ARHGAP12: variants seen among roughly 807,000 people sequenced by gnomAD.
ARHGAP12 encodes the protein rho GTPase-activating protein 12.
Under a neutral mutation model 108.6 loss-of-function variants are expected in ARHGAP12, and 64 were observed. The observed-to-expected ratio is 0.59, with a 90% confidence interval of 0.48 to 0.73. The LOEUF (loss-of-function observed/expected upper bound fraction) is 0.73. ARHGAP12 is among the 30% of genes least tolerant of loss of function. The pLI, the probability that ARHGAP12 is intolerant of heterozygous loss-of-function variation, is 0.00. For missense variants in ARHGAP12, 940 were observed against 1,005.9 expected, an observed-to-expected ratio of 0.93 and a Z score of 0.89; for synonymous variants, 312 against 337.2, an observed-to-expected ratio of 0.93 and a Z score of 0.82.
intron 3 of ARHGAP12, among the ~76,000 whole-genome samples, chr10:31,892,455 A>G (rs1397450955): frequency 1.3e-5 from 2 of 151,892 alleles, no homozygotes; most frequent in African/African-American, 4.8e-5. Context: ...AGGCAGTCCT[A>G]GTCTCTGATA....
At chr10:31,925,931 T>A (rs970104177) in intron 1 of ARHGAP12, among the ~76,000 whole-genome samples, 1 of 152,238 alleles carries the variant, frequency 6.6e-6, no homozygotes, top group Non-Finnish European at 1.5e-5. Context: ...ATATTGTGAA[T>A]ATACTAAGTA....
chr10:31,815,958 G>A (rs1343068293), intron 13 of ARHGAP12, among the ~76,000 whole-genome samples: 3 of 151,884 alleles, frequency 2.0e-5, no homozygotes, highest in Non-Finnish European at 2.9e-5. Flanking sequence ...GAGACCAGCC[G>A]GGACAACATG....
In ARHGAP12 at chr10:31,808,668, G is replaced by T; in HGVS notation, c.2347C>A (p.Leu783Ile). The change falls in exon 19 of 20, where the codon CTT (leucine) becomes ATT (isoleucine). Residue 783 changes from leucine to isoleucine, a missense_variant. Leu to Ile is a conservative substitution (Grantham distance 5). Coordinates refer to ENST00000344936, the MANE Select transcript of ARHGAP12 (RefSeq NM_018287.7). ...PKPNQDTMQI[L>I]FRHLRRVIEN... is the part of the protein sequence containing the mutation. ...TCCTACCTTCTGAGATGTCGGAAAA[G>T]AATCTGCATTGTGTCTTGGTTTGGC... The T allele has an allele frequency of 6.2e-7, 1 of 1,612,364 alleles. No homozygotes were observed. The highest frequency in any genetic ancestry group is 8.5e-7 in the Non-Finnish European group (1 of 1,178,934).
chr10:31,807,865 A>T, intron 19 of ARHGAP12, 33 bp from the exon 20 acceptor site: 2 of 1,445,376 alleles, frequency 1.4e-6, no homozygotes, highest in Non-Finnish European at 1.8e-6. Flanking sequence ...TTAAAAGAGA[A>T]AATAAGAGAG....
At chr10:31,904,769 G>A (rs1053912112) in intron 3 of ARHGAP12, among the ~76,000 whole-genome samples, 3 of 151,698 alleles carry the variant, frequency 2.0e-5, no homozygotes, top group Non-Finnish European at 4.4e-5. Context: ...TGGGACTACA[G>A]GCACATGCCA....
intron 1 of ARHGAP12, among the ~76,000 whole-genome samples, chr10:31,911,243 C>G (rs775813757): frequency 1.3e-5 from 2 of 152,158 alleles, no homozygotes; most frequent in African/African-American, 2.4e-5. Context: ...AGGCTGGTCT[C>G]GAACTCCTGA....
rs556213669 is a variant in ARHGAP12, at chr10:31,822,354, T to C, written c.1531-1866A>G. Among the ~76,000 whole-genome samples the C allele has an allele frequency of 3.9e-5, 6 of 152,278 alleles. No homozygotes were observed. In the East Asian group the frequency reaches 7.7e-4, roughly 20 times the overall value. On this transcript the variant is annotated intron_variant, in intron 11 of 19. Coordinates refer to ENST00000344936, the MANE Select transcript of ARHGAP12 (RefSeq NM_018287.7). ...GCAAGAGCTCAGAGACTGAGCCTTGTTGGCAGAAGGACTTGATGGAAAAGG... is the reference window on the plus strand; with the variant it reads ...GCAAGAGCTCAGAGACTGAGCCTTGCTGGCAGAAGGACTTGATGGAAAAGG...
At chr10:31,868,993 G>A (rs755696604) in intron 3 of ARHGAP12, among the ~76,000 whole-genome samples, 2 of 152,042 alleles carry the variant, frequency 1.3e-5, no homozygotes, top group Non-Finnish European at 2.9e-5. Flanking sequence ...ACCTGAGTGC[G>A]CTTAGGGCAA....
At chr10:31,859,353 C>T (rs1270437027) in intron 4 of ARHGAP12, among the ~76,000 whole-genome samples, 2 of 152,178 alleles carry the variant, frequency 1.3e-5, no homozygotes, top group Admixed American at 6.5e-5. Context: ...GGGGCTGACC[C>T]AGATATCCAT....
intron 3 of ARHGAP12, among the ~76,000 whole-genome samples, chr10:31,887,032 C>A (rs1838215441): frequency 6.6e-6 from 1 of 152,152 alleles, no homozygotes; most frequent in South Asian, 2.1e-4. Context: ...GCAGGATCCA[C>A]AGGATGTGTG....
At chr10:31,846,343 TTTC>T (rs975076304) in intron 6 of ARHGAP12, among the ~76,000 whole-genome samples, 3 of 152,224 alleles carry the variant, frequency 2.0e-5, no homozygotes, top group Non-Finnish European at 1.5e-5. Flanking sequence ...TATTGCAAGT[TTTC>T]TTATCACTTC....
chr10:31,810,403 AAAG>A (rs1238589378), intron 16 of ARHGAP12, among the ~76,000 whole-genome samples: 1 of 152,200 alleles, frequency 6.6e-6, no homozygotes, highest in Non-Finnish European at 1.5e-5. Flanking sequence ...AAATGGCATC[AAAG>A]AATAGCATAT....
Position 31,808,630 on chromosome 10 carries a change from G to T in ARHGAP12, c.2366+19C>A. 1.2e-6 allele frequency: 2 copies of T among 1,609,922 alleles called. No individual in the cohort carries two copies. Among genetic ancestry groups the T allele is most frequent in the South Asian group, 2.2e-5 (2 of 90,758 alleles). On this transcript the variant is annotated intron_variant, in intron 19 of 19. Coordinates refer to ENST00000344936, the MANE Select transcript of ARHGAP12 (RefSeq NM_018287.7). ...CCCCTTGTGCTATACCACATCCCAT[G>T]ACTGGGCAGTCCTCCTACCTTCTGA...
intron 14 of ARHGAP12, among the ~76,000 whole-genome samples, chr10:31,813,237 T>C (rs1055659002): frequency 2.0e-5 from 3 of 152,124 alleles, no homozygotes; most frequent in Non-Finnish European, 4.4e-5. Context: ...CCTATCTTCA[T>C]TGAATAAGAA....
chr10:31,840,274 T>C (rs762631097), intron 7 of ARHGAP12, among the ~76,000 whole-genome samples: 2 of 151,792 alleles, frequency 1.3e-5, no homozygotes, highest in Non-Finnish European at 2.9e-5. Context: ...AAACCTACGA[T>C]TTAAATATTA....
intron 1 of ARHGAP12, among the ~76,000 whole-genome samples, chr10:31,917,225 C>T (rs1383491834): frequency 1.3e-5 from 2 of 151,654 alleles, no homozygotes; most frequent in African/African-American, 2.4e-5. Context: ...CTGGTTAACA[C>T]GGTGAAACCT....
intron 3 of ARHGAP12, among the ~76,000 whole-genome samples, chr10:31,878,027 T>C (rs1837799980): frequency 1.3e-5 from 2 of 152,142 alleles, no homozygotes. Context: ...GAGGCTGCAG[T>C]AAGCTCCAGC....
chr10:31,808,911 G>T, intron 18 of ARHGAP12, 83 bp downstream of exon 18: 1 of 1,422,008 alleles, frequency 7.0e-7, no homozygotes, highest in Non-Finnish European at 9.6e-7. Flanking sequence ...CTTGCTTAAA[G>T]TAAGATAAAA....
intron 6 of ARHGAP12, among the ~76,000 whole-genome samples, chr10:31,845,880 T>G (rs1413382495): frequency 6.6e-6 from 1 of 152,192 alleles, no homozygotes; most frequent in East Asian, 1.9e-4. Flanking sequence ...TTTTAACAGG[T>G]GTGTTTAGAG....
Sources: allele counts gnomAD v4.1 joint callset (sites outside exome capture counted in the v4.1 genomes callset), GRCh38; gene constraint gnomAD v4.1.1; transcripts MANE v1.5; gene names NCBI Gene and HGNC (gene_info 2026-07-23, HGNC 2026-07-21).